WTAP: variants seen among roughly 807,000 people sequenced by gnomAD.
WTAP encodes pre-mRNA-splicing regulator WTAP.
WTAP carries 8 observed loss-of-function variants against 50.0 expected under a neutral mutation model. The ratio of observed to expected loss-of-function variants is 0.16; its 90% CI spans 0.09 to 0.29. The LOEUF is 0.29. Ranked by LOEUF, WTAP falls within the 10% of genes least tolerant of loss-of-function variation. WTAP has a pLI of 1.00. For missense variants in WTAP, 295 were observed against 470.7 expected (o/e 0.63, Z 3.45); for synonymous variants, 194 against 169.0 (o/e 1.15, Z -1.15).
chr6:159,737,488 T>C (rs1317778988), intron 2 of WTAP, among the ~76,000 whole-genome samples: 3 of 150,522 alleles, frequency 2.0e-5, no homozygotes, highest in Non-Finnish European at 4.4e-5. Context: ...AAAGCCTTTA[T>C]TTTATTTTTA....
intron 1 of WTAP, among the ~76,000 whole-genome samples, chr6:159,730,734 A>C (rs765901813): frequency 5.3e-5 from 8 of 152,222 alleles, no homozygotes; most frequent in Non-Finnish European, 1.2e-4. Context: ...AGACAGCTAG[A>C]GTGATCTTAA....
At chr6:159,751,476 G>T (rs1232247091) in intron 6 of WTAP, among the ~76,000 whole-genome samples, 3 of 152,194 alleles carry the variant, frequency 2.0e-5, no homozygotes, top group Admixed American at 2.0e-4. Flanking sequence ...CATTGTTTTT[G>T]ACAATCTTGC....
chr6:159,740,586 A>C (rs1350140201), intron 3 of WTAP, among the ~76,000 whole-genome samples: 1 of 152,102 alleles, frequency 6.6e-6, no homozygotes, highest in East Asian at 1.9e-4. Flanking sequence ...TATTTGGTAA[A>C]CTACGTGTCT....
rs763710119 is a variant in WTAP, at chr6:159,736,308, G to A, written c.30+13G>A. ...TCTTCCCAAGAAGGTATGGGTTTTGGTTTTGGGTTTTTTTGTTTTGTTTTG... is the reference window on the plus strand; with the variant it reads ...TCTTCCCAAGAAGGTATGGGTTTTGATTTTGGGTTTTTTTGTTTTGTTTTG... On this transcript the variant is annotated intron_variant, in intron 2 of 7. Coordinates refer to ENST00000621533, the MANE Select transcript of WTAP (RefSeq NM_001270531.2). The A allele has an allele frequency of 6.2e-7, 1 of 1,600,192 alleles. No homozygotes were observed. Among genetic ancestry groups the A allele is most frequent in the Non-Finnish European group, 8.5e-7 (1 of 1,173,272 alleles).
At chr6:159,754,686 T>C (rs753751899) in intron 7 of WTAP, among the ~76,000 whole-genome samples, 4 of 152,184 alleles carry the variant, frequency 2.6e-5, no homozygotes, top group Admixed American at 6.5e-5. Context: ...AAAATAGTTA[T>C]TTTACTGTAT....
At chr6:159,734,273 C>T (rs1778769706) in intron 1 of WTAP, among the ~76,000 whole-genome samples, 2 of 151,280 alleles carry the variant, frequency 1.3e-5, no homozygotes, top group South Asian at 4.2e-4. Flanking sequence ...CTCAGCCTCC[C>T]AAAGTGCTGG....
intron 1 of WTAP, 44 bp from the exon 2 acceptor site, chr6:159,736,214 G>A: frequency 6.4e-7 from 1 of 1,565,666 alleles, no homozygotes; most frequent in Non-Finnish European, 8.7e-7. Flanking sequence ...ACTTTCACTG[G>A]AAGAAAATAA....
rs138993885 is a variant in WTAP, at chr6:159,747,616, A to G, written c.274-575A>G. On this transcript the variant is annotated intron_variant, in intron 5 of 7. Coordinates refer to ENST00000621533, the MANE Select transcript of WTAP (RefSeq NM_001270531.2). ...ATTCAAATGTGTATTTTAAGTTATA[A>G]TCTTGCACCTGATGTATTTTTAGGG... 3.8e-3 allele frequency among the ~76,000 whole-genome samples: 582 copies of G among 152,324 alleles called. 7 individuals carry two copies. The Middle Eastern group carries it at 0.041, about 11-fold the overall frequency.
upstream of WTAP, chr6:159,727,072 C>T (rs1051376265): frequency 2.5e-6 from 3 of 1,207,268 alleles, no homozygotes; most frequent in South Asian, 4.4e-5. Context: ...CCCGTGATGC[C>T]CTGGGGCTGA....
Position 159,755,760 on chromosome 6 carries a change from C to CTTTTTTTTTTTTTTTTTTTTT in WTAP, c.*153_*154insTTTTTTTTTTTTTTTTTTTTT, listed in dbSNP as rs1779984995. 6 of 283,698 alleles carry CTTTTTTTTTTTTTTTTTTTTT rather than the reference C, an allele frequency of 2.1e-5. No individual in the cohort carries two copies. Among genetic ancestry groups the CTTTTTTTTTTTTTTTTTTTTT allele is most frequent in the South Asian group, 1.9e-4 (1 of 5,174 alleles). 17.6% of individuals were successfully genotyped at this position (283,698 alleles called of 1,614,324 possible). On this transcript the variant is annotated 3_prime_UTR_variant, in exon 8 of 8. Transcript: ENST00000621533. ...TGTTTTTTTTCTTTGTTTTTTTTTT[C>CTTTTTTTTTTTTTTTTTTTTT]TTTTCTTTTTTTTTTTTTTTTTTTT...
At chr6:159,740,147 G>T (rs1050524042) in intron 3 of WTAP, among the ~76,000 whole-genome samples, 21 of 151,290 alleles carry the variant, frequency 1.4e-4, no homozygotes, top group Non-Finnish European at 3.0e-5. Context: ...GCCTGGCCAT[G>T]ATTTTTTTTT....
chr6:159,755,645 T>G lies in WTAP; in HGVS notation c.*34T>G. 1 of 1,538,244 alleles carries G rather than the reference T, an allele frequency of 6.5e-7. No individual in the cohort carries two copies. Among genetic ancestry groups the G allele is most frequent in the Non-Finnish European group, 8.7e-7 (1 of 1,145,050 alleles). Reference sequence around the variant, plus strand: ...CAGCAAATTTTTATACAGTGTCATTTAATTTGGGAGAGGATACTGTCCAGA... The same window carrying G: ...CAGCAAATTTTTATACAGTGTCATTGAATTTGGGAGAGGATACTGTCCAGA... On this transcript the variant is annotated 3_prime_UTR_variant, in exon 8 of 8. Coordinates refer to ENST00000621533, the MANE Select transcript of WTAP (RefSeq NM_001270531.2).
In WTAP at chr6:159,753,827, T is replaced by A. The variant is rs1779908232; in HGVS notation, c.607+213T>A. Reference sequence around the variant, plus strand: ...CCCCACCCTCCTAATTCTTTATTGTTCAAAATTTCTTACATTTTTGTTTTT... The same window carrying A: ...CCCCACCCTCCTAATTCTTTATTGTACAAAATTTCTTACATTTTTGTTTTT... On this transcript the variant is annotated intron_variant, in intron 7 of 7. Coordinates refer to ENST00000621533, the MANE Select transcript of WTAP (RefSeq NM_001270531.2). 2.0e-5 allele frequency among the ~76,000 whole-genome samples: 3 copies of A among 152,234 alleles called. 1 individual carries two copies. The South Asian group carries it at 6.2e-4, about 31-fold the overall frequency.
At chr6:159,733,450 C>T (rs957368532) in intron 1 of WTAP, among the ~76,000 whole-genome samples, 2 of 101,596 alleles carry the variant, frequency 2.0e-5, no homozygotes, top group Admixed American at 2.4e-4. Context: ...AACCCTGTCT[C>T]TACCAAAAAA....
rs1482424956 is a variant in WTAP at position 159,748,555 on chromosome 6, T to A, written c.452+186T>A. ...AAACTTACCAGATGAACCTTGTGTTTCAGCTTTTTTCTTTTCCCCTTCCCC... is the reference window on the plus strand; with the variant it reads ...AAACTTACCAGATGAACCTTGTGTTACAGCTTTTTTCTTTTCCCCTTCCCC... On this transcript the variant is annotated intron_variant, in intron 6 of 7. Transcript: ENST00000621533. This position sits in a 1 kb window ranked among gnomAD's most constrained non-coding sequence, Gnocchi z 5.6. 1 of 1,357,084 alleles carries A rather than the reference T, an allele frequency of 7.4e-7. No individual in the cohort carries two copies. Among genetic ancestry groups the A allele is most frequent in the East Asian group, 2.7e-5 (1 of 36,804 alleles). 84.1% of individuals were successfully genotyped at this position (1,357,084 alleles called of 1,614,324 possible). A position where few individuals can be genotyped will look rare whatever the true frequency, so the allele number is the denominator to read the frequency against.
chr6:159,755,684 CT>C lies in WTAP; in HGVS notation c.*77del. The C allele has an allele frequency of 8.1e-7, 1 of 1,233,158 alleles. No homozygotes were observed. The highest frequency in any genetic ancestry group is 1.0e-6 in the Non-Finnish European group (1 of 986,228). The allele number at this position is 1,233,158 out of a possible 1,614,324, so 76.4% of individuals were successfully genotyped here. A position where few individuals can be genotyped will look rare whatever the true frequency, so the allele number is the denominator to read the frequency against. On this transcript the variant is annotated 3_prime_UTR_variant, in exon 8 of 8. Coordinates refer to ENST00000621533, the MANE Select transcript of WTAP (RefSeq NM_001270531.2). ...ATACTGTCCAGAAAATTAATGCATA[CT>C]TTTGTCACAATTTGCCTTTTTGTGG...
intron 7 of WTAP, among the ~76,000 whole-genome samples, chr6:159,754,787 C>G (rs9365093): frequency 0.78 from 118,004 of 152,032 alleles, 46,082 homozygotes; most frequent in South Asian, 0.85. Flanking sequence ...TCTACAGTTG[C>G]TTGAATTCAT....
chr6:159,726,927 C>G (rs1162040872), upstream of WTAP: 42 of 1,288,654 alleles, frequency 3.3e-5, no homozygotes, highest in Non-Finnish European at 4.1e-5. Context: ...ACCTGGTCCT[C>G]CGACACGCGG....
intron 1 of WTAP, among the ~76,000 whole-genome samples, chr6:159,732,460 A>G (rs961491804): frequency 3.9e-5 from 6 of 152,226 alleles, no homozygotes; most frequent in South Asian, 4.1e-4. Context: ...ATGTTCGTAT[A>G]TACATAGATA....
Sources: allele counts gnomAD v4.1 joint callset (sites outside exome capture counted in the v4.1 genomes callset), GRCh38; gene constraint gnomAD v4.1.1; non-coding constraint Gnocchi (gnomAD v3.1); transcripts MANE v1.5; gene names NCBI Gene and HGNC (gene_info 2026-07-23, HGNC 2026-07-21).